Variants in FNIP2 observed in about 807,000 individuals in gnomAD.
FNIP2 encodes the protein folliculin-interacting protein 2.
Under a neutral mutation model 108.7 loss-of-function variants are expected in FNIP2, and 32 were observed. The observed-to-expected ratio is 0.29, with a 90% CI of 0.22 to 0.40. The LOEUF (loss-of-function observed/expected upper bound fraction) is 0.40. Among genes scored for constraint, FNIP2 ranks in the 10% least tolerant of loss-of-function variants. The pLI, the probability that FNIP2 is intolerant of heterozygous loss-of-function variation, is 1.00. For synonymous variants in FNIP2, 480 were observed against 496.7 expected, an observed-to-expected ratio of 0.97 and a Z score of 0.45; for missense variants, 1,202 against 1,381.6, an observed-to-expected ratio of 0.87 and a Z score of 2.06.
chr4:158,852,400 CT>C (rs1251219161), intron 8 of FNIP2, among the ~76,000 whole-genome samples: 3 of 152,174 alleles, frequency 2.0e-5, no homozygotes, highest in Non-Finnish European at 4.4e-5. Context: ...AAAATTATAG[CT>C]TTGTCACCCA....
intron 1 of FNIP2, among the ~76,000 whole-genome samples, chr4:158,820,166 A>T (rs1049481877): frequency 1.3e-5 from 2 of 152,072 alleles, no homozygotes; most frequent in African/African-American, 4.8e-5. Context: ...CTGTTTAAAT[A>T]TTTACCTTCT....
chr4:158,859,558 T>G lies in FNIP2; in HGVS notation c.1060-20T>G. The G allele has an allele frequency of 6.2e-7, 1 of 1,600,580 alleles. No individual in the cohort carries two copies. The highest frequency in any genetic ancestry group is 8.5e-7 in the Non-Finnish European group (1 of 1,170,698). Reference sequence around the variant, plus strand: ...TAAAATTTCTTCTCAGTAATTTGACTTGCTTTCTCTTCAATAAAGGCTATG... The same window carrying G: ...TAAAATTTCTTCTCAGTAATTTGACGTGCTTTCTCTTCAATAAAGGCTATG... On this transcript the variant is annotated intron_variant, in intron 9 of 16. Coordinates refer to ENST00000264433, the MANE Select transcript of FNIP2 (RefSeq NM_020840.3).
intron 13 of FNIP2, 27 bp from the exon 14 acceptor site, chr4:158,870,286 A>AT: frequency 1.2e-6 from 2 of 1,603,452 alleles, no homozygotes; most frequent in African/African-American, 2.7e-5. Flanking sequence ...TTAGCTGTGC[A>AT]TTTTAATGGG....
At chr4:158,872,638 T>A (rs1325048545) in intron 14 of FNIP2, 1 of 984,986 alleles carries the variant, frequency 1.0e-6, no homozygotes, top group East Asian at 1.1e-4. Context: ...CCAATTAGCA[T>A]TAGTGGATTT....
At chr4:158,819,790 C>A (rs1250829678) in intron 1 of FNIP2, among the ~76,000 whole-genome samples, 3 of 152,194 alleles carry the variant, frequency 2.0e-5, no homozygotes, top group African/African-American at 7.2e-5. Flanking sequence ...CCCCAGTCTT[C>A]ATTTATTTTC....
rs924458865 is a variant in FNIP2 at position 158,868,024 on chromosome 4, T to C, written c.1466-78T>C. The C allele has an allele frequency of 3.2e-6, 5 of 1,541,822 alleles. No homozygotes were observed. The East Asian group carries it at 1.1e-4, about 35-fold the overall frequency. On this transcript the variant is annotated intron_variant, in intron 12 of 16. Transcript: ENST00000264433. The surrounding 1 kb of genome is among the most constrained non-coding windows in gnomAD (Gnocchi z 4.6). ...GATTGGGAATATAAGTTATCTGTTTTGCTCTTGTAAAGACGGATATATCTG... is the reference window on the plus strand; with the variant it reads ...GATTGGGAATATAAGTTATCTGTTTCGCTCTTGTAAAGACGGATATATCTG...
At chr4:158,831,816 G>T (rs1368320870) in intron 3 of FNIP2, 45 bp from the exon 4 acceptor site, 3 of 1,248,348 alleles carry the variant, frequency 2.4e-6, no homozygotes, top group Non-Finnish European at 3.5e-6. Context: ...TGCATTGCAT[G>T]TCATGTTCCA....
At chr4:158,871,118 T>C (rs1449701562) in intron 14 of FNIP2, among the ~76,000 whole-genome samples, 2 of 152,242 alleles carry the variant, frequency 1.3e-5, no homozygotes, top group African/African-American at 4.8e-5. Flanking sequence ...AAGTTCACTT[T>C]GATGGCTGCA....
chr4:158,814,432 T>C (rs144728814), intron 1 of FNIP2, among the ~76,000 whole-genome samples: 2 of 152,346 alleles, frequency 1.3e-5, no homozygotes, highest in African/African-American at 4.8e-5. Context: ...TGGTAAACTC[T>C]AAAATATTAG....
chr4:158,881,009 A>T (rs1471015691), intron 14 of FNIP2, among the ~76,000 whole-genome samples: 1 of 152,212 alleles, frequency 6.6e-6, no homozygotes, highest in Non-Finnish European at 1.5e-5. Context: ...CATAAAAGCT[A>T]ATATTAAGTC....
chr4:158,799,754 A>G (rs1257814924), intron 1 of FNIP2, among the ~76,000 whole-genome samples: 2 of 152,252 alleles, frequency 1.3e-5, no homozygotes, highest in African/African-American at 4.8e-5. Flanking sequence ...TCTTCAAAAA[A>G]TAATCCCATA....
intron 14 of FNIP2, among the ~76,000 whole-genome samples, chr4:158,891,080 C>T (rs1018254246): frequency 6.6e-6 from 1 of 152,094 alleles, no homozygotes; most frequent in Non-Finnish European, 1.5e-5. Flanking sequence ...GGAGTAAGGA[C>T]GGAAGCAGCC....
intron 3 of FNIP2, among the ~76,000 whole-genome samples, chr4:158,831,042 G>A (rs936251413): frequency 3.9e-5 from 6 of 152,176 alleles, no homozygotes; most frequent in Admixed American, 6.5e-5. Flanking sequence ...TAGTAGGGTT[G>A]ACCTCCAGGC....
At chr4:158,825,820 T>C (rs1778123524) in intron 1 of FNIP2, 96 bp from the exon 2 acceptor site, 13 of 1,428,876 alleles carry the variant, frequency 9.1e-6, no homozygotes, top group African/African-American at 1.4e-5. Flanking sequence ...GGCCTTTTGA[T>C]GTGCACACAG....
At chr4:158,847,585 G>A (rs1413420971) in intron 7 of FNIP2, among the ~76,000 whole-genome samples, 1 of 152,172 alleles carries the variant, frequency 6.6e-6, no homozygotes, top group Non-Finnish European at 1.5e-5. Flanking sequence ...ACTCTGAGAC[G>A]TGACATGACC....
At position 158,891,543 on chromosome 4, in the gene FNIP2, C is replaced by T. The variant is rs750524346; in HGVS notation, c.3047C>T (p.Thr1016Met). The T allele has an allele frequency of 2.0e-5, 32 of 1,611,198 alleles. No individual in the cohort carries two copies. In the East Asian group the frequency reaches 2.5e-4, roughly 12 times the overall value. ...GTAGCTACAAGTCAGAGGAAAGTGACGGACAACATGAAACTAGGCCAGGAT... is the reference window on the plus strand; with the variant it reads ...GTAGCTACAAGTCAGAGGAAAGTGATGGACAACATGAAACTAGGCCAGGAT... ...VQVATSQRKVTDNMKLGQDVL... is the reference protein window; with the variant it reads ...VQVATSQRKVMDNMKLGQDVL... The change falls in exon 15 of 17, where the codon ACG becomes ATG. Residue 1016 changes from threonine to methionine, a missense_variant. Thr to Met is a moderately conservative substitution (Grantham distance 81). Coordinates refer to ENST00000264433, the MANE Select transcript of FNIP2 (RefSeq NM_020840.3).
At chr4:158,836,370 T>G (rs1227668877) in intron 7 of FNIP2, 1 of 152,192 alleles carries the variant, frequency 6.6e-6, no homozygotes, top group Non-Finnish European at 1.5e-5. Flanking sequence ...GAAATGTGAT[T>G]TGTTACTGAG....
chr4:158,811,422 A>G (rs1394822753), intron 1 of FNIP2, among the ~76,000 whole-genome samples: 2 of 152,190 alleles, frequency 1.3e-5, no homozygotes, highest in South Asian at 2.1e-4. Flanking sequence ...AATACCAGAT[A>G]AAATGGAAGG....
intron 2 of FNIP2, among the ~76,000 whole-genome samples, chr4:158,828,426 C>G (rs1158586938): frequency 6.6e-6 from 1 of 152,144 alleles, no homozygotes; most frequent in Non-Finnish European, 1.5e-5. Context: ...CCATCTTGGT[C>G]AACATGGTGA....
Sources: gnomAD v4.1 joint callset for allele counts (sites outside exome capture counted in the v4.1 genomes callset) on GRCh38, gnomAD v4.1.1 for gene constraint, Gnocchi (gnomAD v3.1) non-coding constraint, MANE v1.5 for transcripts, NCBI Gene and HGNC (gene_info 2026-07-23, HGNC 2026-07-21) for gene names.